Variants in NCAM2 observed in about 807,000 individuals in gnomAD.
NCAM2 encodes the protein N-CAM-2.
Under a neutral mutation model 98.1 loss-of-function variants are expected in NCAM2, and 30 were observed. The ratio of observed to expected loss-of-function variants is 0.31; its 90% CI spans 0.23 to 0.41. The LOEUF is 0.41. Among genes scored for constraint, NCAM2 ranks in the 10% least tolerant of loss-of-function variants. NCAM2 has a pLI of 1.00. For synonymous variants in NCAM2, 368 were observed against 342.4 expected, an observed-to-expected ratio of 1.07 and a Z score of -0.83; for missense variants, 867 against 1,005.8, an observed-to-expected ratio of 0.86 and a Z score of 1.87.
chr21:21,394,920 A>G (rs1262578267), intron 9 of NCAM2, among the ~76,000 whole-genome samples: 3 of 152,166 alleles, frequency 2.0e-5, no homozygotes, highest in Non-Finnish European at 4.4e-5. Context: ...TCTGGAATAC[A>G]TACTTATCCT....
intron 15 of NCAM2, among the ~76,000 whole-genome samples, chr21:21,493,484 C>T (rs935752508): frequency 5.3e-5 from 8 of 151,926 alleles, no homozygotes; most frequent in African/African-American, 1.7e-4. Flanking sequence ...CACAACCTTC[C>T]TGATAATGAA....
At chr21:21,440,184 A>G (rs1170960499) in intron 12 of NCAM2, among the ~76,000 whole-genome samples, 1 of 152,212 alleles carries the variant, frequency 6.6e-6, no homozygotes, top group Non-Finnish European at 1.5e-5. Flanking sequence ...TTACTTAAAA[A>G]TAATTTGATT....
chr21:21,419,809 C>T (rs1359422444), intron 11 of NCAM2, among the ~76,000 whole-genome samples: 2 of 151,962 alleles, frequency 1.3e-5, no homozygotes, highest in East Asian at 1.9e-4. Context: ...TGAATAGTGC[C>T]GCGATAAACA....
intron 1 of NCAM2, among the ~76,000 whole-genome samples, chr21:21,276,187 T>C (rs1208764392): frequency 1.3e-5 from 2 of 152,130 alleles, no homozygotes; most frequent in Non-Finnish European, 2.9e-5. Flanking sequence ...CATCTTATTT[T>C]ATTTTTCATA....
At chr21:21,399,401 G>A (rs1267498490) in intron 9 of NCAM2, among the ~76,000 whole-genome samples, 2 of 151,968 alleles carry the variant, frequency 1.3e-5, no homozygotes, top group Non-Finnish European at 2.9e-5. Flanking sequence ...ATATTAAAAA[G>A]GACATTTGAA....
At chr21:21,106,314 C>CAAAAAAAAAAAAAAAAAAAAAAAAAAAA (rs202018731) in intron 1 of NCAM2, among the ~76,000 whole-genome samples, 13 of 103,456 alleles carry the variant, frequency 1.3e-4, no homozygotes, top group South Asian at 3.6e-4. Context: ...GTCTCAAAAG[C>CAAAAAAAAAAAAAAAAAAAAAAAAAAAA]AAAAAAAAAA....
chr21:21,291,910 G>C (rs1298153719), intron 4 of NCAM2, among the ~76,000 whole-genome samples, 194 bp from the exon 5 acceptor site: 1 of 147,098 alleles, frequency 6.8e-6, no homozygotes, highest in Non-Finnish European at 1.5e-5. Flanking sequence ...AAAAAAAAAA[G>C]GTGTAACAAA....
intron 1 of NCAM2, among the ~76,000 whole-genome samples, chr21:21,156,384 C>A (rs915559109): frequency 6.6e-6 from 1 of 151,972 alleles, no homozygotes; most frequent in Non-Finnish European, 1.5e-5. Context: ...GCCATCAAAT[C>A]ATTCATAATA....
intron 1 of NCAM2, among the ~76,000 whole-genome samples, chr21:21,090,673 T>C (rs1411908724): frequency 6.6e-6 from 1 of 152,158 alleles, no homozygotes; most frequent in Non-Finnish European, 1.5e-5. Context: ...CTCTCTTTCC[T>C]ACTCAGGAAT....
chr21:21,285,780 G>C (rs533021036), intron 3 of NCAM2, among the ~76,000 whole-genome samples: 2 of 151,888 alleles, frequency 1.3e-5, no homozygotes, highest in East Asian at 3.9e-4. Flanking sequence ...CAGATACATA[G>C]ATGCTAGCTA....
At chr21:21,140,562 C>T (rs1048584348) in intron 1 of NCAM2, among the ~76,000 whole-genome samples, 2 of 151,934 alleles carry the variant, frequency 1.3e-5, no homozygotes, top group Non-Finnish European at 1.5e-5. Context: ...TCTGAGATTG[C>T]CATTTCTCCA....
chr21:21,257,204 A>G (rs1260895789), intron 1 of NCAM2, among the ~76,000 whole-genome samples: 2 of 152,230 alleles, frequency 1.3e-5, no homozygotes, highest in Non-Finnish European at 2.9e-5. Context: ...TGACAGTAAC[A>G]TAAAGAGATG....
rs373572347 is a variant in NCAM2 at position 21,280,605 on chromosome 21, G to T, written c.83G>T (p.Ser28Ile). 6.2e-7 allele frequency: 1 copy of T among 1,600,094 alleles called. No individual in the cohort carries two copies. The highest frequency in any genetic ancestry group is 8.5e-7 in the Non-Finnish European group (1 of 1,174,610). The change falls in exon 2 of 18, where the codon AGC (serine) becomes ATC (isoleucine). Residue 28 changes from serine to isoleucine, a missense_variant. Ser to Ile is a moderately radical substitution (Grantham distance 142). Transcript: ENST00000400546. ...QALLQVTISLSKVELSVGESK... is the reference protein window; with the variant it reads ...QALLQVTISLIKVELSVGESK... ...CTTCTTCAAGTGACAATTTCACTTA[G>T]CAAAGTAGAGCTTAGTGTTGGAGAA...
At chr21:21,336,451 A>T (rs2074872281) in intron 7 of NCAM2, among the ~76,000 whole-genome samples, 1 of 151,906 alleles carries the variant, frequency 6.6e-6, no homozygotes, top group Non-Finnish European at 1.5e-5. Flanking sequence ...GCATTTGGAG[A>T]TATACCTAAT....
intron 1 of NCAM2, among the ~76,000 whole-genome samples, chr21:21,210,017 AAGTC>A (rs2069589289): frequency 6.6e-6 from 1 of 152,208 alleles, no homozygotes. Context: ...TCCATTGTGG[AAGTC>A]AAGAGCTCAT....
chr21:21,252,922 A>C (rs1478449857), intron 1 of NCAM2, among the ~76,000 whole-genome samples: 2 of 152,110 alleles, frequency 1.3e-5, no homozygotes, highest in African/African-American at 2.4e-5. Flanking sequence ...TTTAGTGAAC[A>C]TCCGAAGCAT....
chr21:21,439,596 A>G (rs1978943352), intron 12 of NCAM2, among the ~76,000 whole-genome samples: 1 of 152,156 alleles, frequency 6.6e-6, no homozygotes, highest in South Asian at 2.1e-4. Flanking sequence ...ATTTATAATC[A>G]ATATGCCTGT....
intron 1 of NCAM2, among the ~76,000 whole-genome samples, chr21:21,273,512 G>A (rs1231615754): frequency 6.6e-6 from 1 of 151,948 alleles, no homozygotes; most frequent in Non-Finnish European, 1.5e-5. Context: ...CAAAGTAGTT[G>A]GCAGTATCTC....
chr21:21,188,123 A>T (rs967151221), intron 1 of NCAM2, among the ~76,000 whole-genome samples: 1 of 152,162 alleles, frequency 6.6e-6, no homozygotes, highest in African/African-American at 2.4e-5. Context: ...TTGTTCTGTA[A>T]TATTCATATT....
Sources: gnomAD v4.1 joint callset for allele counts (sites outside exome capture counted in the v4.1 genomes callset) on GRCh38, gnomAD v4.1.1 for gene constraint, MANE v1.5 for transcripts, NCBI Gene and HGNC (gene_info 2026-07-23, HGNC 2026-07-21) for gene names.